The following KLF15 variants were observed in gnomAD, a reference collection of about 807,000 sequenced individuals.
KLF15 encodes the protein Krueppel-like factor 15.
A neutral mutation model predicts 24.6 loss-of-function variants in KLF15; 4 were observed. The ratio of observed to expected loss-of-function variants is 0.16; its 90% CI spans 0.08 to 0.37. KLF15 has a LOEUF of 0.37. Ranked by LOEUF, KLF15 falls within the 10% of genes least tolerant of loss-of-function variation. The pLI is 1.00. For synonymous variants in KLF15, 246 were observed against 236.3 expected (o/e 1.04, Z -0.37); for missense variants, 496 against 560.6 (o/e 0.88, Z 1.16).
the KLF15 span, among the ~76,000 whole-genome samples, chr3:126,316,910 C>G: frequency 5.3e-5 from 8 of 152,156 alleles, no homozygotes; most frequent in Non-Finnish European, 1.0e-4. Flanking sequence ...AGAACATGTG[C>G]TCCTGGAAGC....
intron 1 of KLF15, chr3:126,354,303 T>C (rs1196143843): frequency 1.3e-5 from 2 of 152,258 alleles, no homozygotes; most frequent in Non-Finnish European, 2.9e-5. Flanking sequence ...GGGAATGCTC[T>C]GCACCAAAGT....
chr3:126,316,896 C>T, the KLF15 span, among the ~76,000 whole-genome samples: 1 of 152,160 alleles, frequency 6.6e-6, no homozygotes, highest in Non-Finnish European at 1.5e-5. Context: ...CTCAGGAAGG[C>T]ATGAGAACAT....
At chr3:126,297,914 G>A in the KLF15 span, among the ~76,000 whole-genome samples, 1 of 152,188 alleles carries the variant, frequency 6.6e-6, no homozygotes, top group African/African-American at 2.4e-5. Context: ...AAACATGCGT[G>A]TGCAAGTGTC....
chr3:126,308,506 G>C, the KLF15 span, among the ~76,000 whole-genome samples: 6 of 152,222 alleles, frequency 3.9e-5, no homozygotes, highest in South Asian at 4.1e-4. Flanking sequence ...GCCGCAGGCA[G>C]TGCTGACACA....
the KLF15 span, among the ~76,000 whole-genome samples, chr3:126,322,331 G>T: frequency 6.6e-6 from 1 of 152,144 alleles, no homozygotes; most frequent in Non-Finnish European, 1.5e-5. Flanking sequence ...GAGGCTCTAA[G>T]GGAAACTCCG....
Position 126,356,862 on chromosome 3 carries a change from GC to G in KLF15, c.-26+374del, listed in dbSNP as rs2082636690. Among the ~76,000 whole-genome samples, 1 of 137,968 alleles carries G rather than the reference GC, an allele frequency of 7.2e-6. No individual in the cohort carries two copies. 90.5% of individuals were successfully genotyped at this position (137,968 alleles called of 152,430 possible). A position where few individuals can be genotyped will look rare whatever the true frequency, so the allele number is the denominator to read the frequency against. On this transcript the variant is annotated intron_variant, in intron 1 of 2. Coordinates refer to ENST00000296233, the MANE Select transcript of KLF15 (RefSeq NM_014079.4). The surrounding 1 kb of genome is among the most constrained non-coding windows in gnomAD (Gnocchi z 4.4). ...TAACCCCTCCGTCTCCAGCCCCTCC[GC>G]CCCCCAACCCCGGGCTGGCCAGCGC...
chr3:126,302,309 C>G, the KLF15 span, among the ~76,000 whole-genome samples: 3 of 152,056 alleles, frequency 2.0e-5, no homozygotes, highest in Non-Finnish European at 2.9e-5. Flanking sequence ...TGTAGTCAGT[C>G]TTGGTAAATG....
chr3:126,293,941 G>T, the KLF15 span: 1 of 152,382 alleles, frequency 6.6e-6, no homozygotes, highest in East Asian at 1.9e-4. Flanking sequence ...TCGAGAGCTG[G>T]ACGGCAGGCA....
the KLF15 span, among the ~76,000 whole-genome samples, chr3:126,315,613 A>T: frequency 1.3e-5 from 2 of 152,198 alleles, no homozygotes; most frequent in Admixed American, 1.3e-4. Flanking sequence ...TCCGAGGGCC[A>T]GCACACACTC....
At chr3:126,349,143 A>G (rs1308486011) in intron 2 of KLF15, among the ~76,000 whole-genome samples, 2 of 152,124 alleles carry the variant, frequency 1.3e-5, no homozygotes, top group Admixed American at 6.5e-5. Flanking sequence ...CAGACTGGGC[A>G]CATCCCCAGG....
rs1576581336 is a variant in KLF15, at chr3:126,343,172, C to G, written c.*555G>C. 3 of 44,678 alleles carry G rather than the reference C, an allele frequency of 6.7e-5. No homozygotes were observed. The highest frequency in any genetic ancestry group is 8.9e-4 in the East Asian group (1 of 1,120). 2.8% of individuals were successfully genotyped at this position (44,678 alleles called of 1,614,324 possible). On this transcript the variant is annotated 3_prime_UTR_variant, in exon 3 of 3. Coordinates refer to ENST00000296233, the MANE Select transcript of KLF15 (RefSeq NM_014079.4). ...GTCCTGCCCCCCCCCCCCCCCCCCC[C>G]CCCCCCCGGCTCCAGGGACCTGCCC...
intron 2 of KLF15, among the ~76,000 whole-genome samples, chr3:126,350,106 G>A (rs780625724): frequency 6.6e-6 from 1 of 152,216 alleles, no homozygotes; most frequent in Non-Finnish European, 1.5e-5. Context: ...TGACCCAGGC[G>A]TAGGCTCAAG....
chr3:126,335,957 C>T, the KLF15 span, among the ~76,000 whole-genome samples: 38 of 149,642 alleles, frequency 2.5e-4, no homozygotes, highest in Non-Finnish European at 4.7e-4. Flanking sequence ...ATTCCATGCT[C>T]ATGGGCAGGA....
At chr3:126,344,260 A>G (rs1325152829) in intron 2 of KLF15, among the ~76,000 whole-genome samples, 1 of 151,794 alleles carries the variant, frequency 6.6e-6, no homozygotes. Flanking sequence ...AGGCCTCCCT[A>G]TGTTGCCCAG....
chr3:126,323,519 T>C, the KLF15 span, among the ~76,000 whole-genome samples: 2 of 139,670 alleles, frequency 1.4e-5, no homozygotes, highest in Non-Finnish European at 3.0e-5. Flanking sequence ...ATATAACATA[T>C]ATATATAAAT....
chr3:126,338,910 C>T (rs2082458148), downstream of KLF15, among the ~76,000 whole-genome samples: 1 of 152,182 alleles, frequency 6.6e-6, no homozygotes, highest in Non-Finnish European at 1.5e-5. Flanking sequence ...GGGTTGAGGC[C>T]AAATTCACAG....
At chr3:126,353,817 T>A (rs1266699785) in intron 1 of KLF15, among the ~76,000 whole-genome samples, 3 of 152,204 alleles carry the variant, frequency 2.0e-5, no homozygotes, top group Non-Finnish European at 2.9e-5. Flanking sequence ...GCCAAGGCCC[T>A]GCCCCTCTGG....
At chr3:126,323,450 T>TATATATATATAAC in the KLF15 span, among the ~76,000 whole-genome samples, 322 of 94,832 alleles carry the variant, frequency 3.4e-3, 8 homozygotes, top group African/African-American at 0.014. Context: ...ATATATGTTA[T>TATATATATATAAC]ATATATATAT....
At chr3:126,351,502 C>T (rs980988042) in intron 2 of KLF15, among the ~76,000 whole-genome samples, 2 of 152,210 alleles carry the variant, frequency 1.3e-5, no homozygotes, top group Admixed American at 6.5e-5. Context: ...CAAAGGGAGC[C>T]GCTGCCTGGC....
Sources: allele counts gnomAD v4.1 joint callset (sites outside exome capture counted in the v4.1 genomes callset), GRCh38; gene constraint gnomAD v4.1.1; non-coding constraint Gnocchi (gnomAD v3.1); transcripts MANE v1.5; gene names NCBI Gene and HGNC (gene_info 2026-07-23, HGNC 2026-07-21).